UNC80: variants seen among roughly 807,000 people sequenced by gnomAD.
UNC80 encodes the protein protein unc-80 homolog.
In UNC80, 164 loss-of-function variants were observed where a neutral mutation model predicts 384.6. The ratio of observed to expected loss-of-function variants is 0.43; its 90% CI spans 0.38 to 0.49. UNC80 has a LOEUF of 0.49. UNC80 is among the 20% of genes least tolerant of loss of function. UNC80 has a pLI of 0.00. For missense variants in UNC80, 3,330 were observed against 4,143.0 expected (o/e 0.80, Z 5.39); for synonymous variants, 1,486 against 1,527.8 (o/e 0.97, Z 0.64).
chr2:209,868,595 A>G (rs528945097), intron 22 of UNC80, among the ~76,000 whole-genome samples: 1 of 152,316 alleles, frequency 6.6e-6, no homozygotes, highest in Non-Finnish European at 1.5e-5. Flanking sequence ...ATACATAATG[A>G]TCTTATAAAA....
At chr2:209,906,741 G>A (rs979852758) in intron 29 of UNC80, among the ~76,000 whole-genome samples, 4 of 151,938 alleles carry the variant, frequency 2.6e-5, no homozygotes, top group African/African-American at 9.7e-5. Context: ...AAGTAAATAC[G>A]TTTGTGTGTG....
At chr2:209,840,052 G>A (rs1559177173) in intron 19 of UNC80, among the ~76,000 whole-genome samples, 1 of 152,186 alleles carries the variant, frequency 6.6e-6, no homozygotes, top group African/African-American at 2.4e-5. Context: ...TCCCTAGATA[G>A]CCAAGATGGG....
At chr2:209,831,864 T>C (rs536084905) in intron 16 of UNC80, among the ~76,000 whole-genome samples, 1 of 152,340 alleles carries the variant, frequency 6.6e-6, no homozygotes, top group African/African-American at 2.4e-5. Flanking sequence ...TTGTAAAGTA[T>C]GCTGAGCCCT....
intron 51 of UNC80, among the ~76,000 whole-genome samples, chr2:209,962,701 G>A (rs1575156160): frequency 6.6e-6 from 1 of 152,104 alleles, no homozygotes; most frequent in African/African-American, 2.4e-5. Flanking sequence ...ACAAGCTTTT[G>A]AAAAAGACAG....
chr2:209,986,711 G>A (rs1221851833), intron 61 of UNC80, among the ~76,000 whole-genome samples: 6 of 152,120 alleles, frequency 3.9e-5, no homozygotes, highest in Non-Finnish European at 7.4e-5. Flanking sequence ...GGAAGATGAG[G>A]CATTCACTTT....
chr2:209,971,599 AC>A (rs74454064), intron 54 of UNC80, among the ~76,000 whole-genome samples: 22,129 of 152,182 alleles, frequency 0.15, 2,022 homozygotes, highest in South Asian at 0.2. Flanking sequence ...TGGATAACTG[AC>A]CCATCCGTCG....
chr2:209,778,389 G>C (rs1559075226), intron 4 of UNC80, among the ~76,000 whole-genome samples: 1 of 151,444 alleles, frequency 6.6e-6, no homozygotes, highest in Non-Finnish European at 1.5e-5. Flanking sequence ...GACAAAGCGA[G>C]ACTCTGTCTT....
chr2:209,886,501 C>G (rs2124904867), intron 25 of UNC80, among the ~76,000 whole-genome samples: 1 of 152,272 alleles, frequency 6.6e-6, no homozygotes, highest in Non-Finnish European at 1.5e-5. Flanking sequence ...CAGGACAAGT[C>G]AAATTCTCAA....
chr2:209,913,662 TA>T, intron 30 of UNC80, 139 bp from the exon 31 acceptor site: 1 of 802,832 alleles, frequency 1.2e-6, no homozygotes, highest in Non-Finnish European at 1.9e-6. Context: ...CCATGTCAAC[TA>T]AATATGCTCC....
intron 28 of UNC80, among the ~76,000 whole-genome samples, chr2:209,896,753 ATTTTGAGAGCACGGT>A (rs1209557543): frequency 1.3e-5 from 2 of 152,076 alleles, no homozygotes; most frequent in African/African-American, 4.8e-5. Flanking sequence ...GTTACTGCGA[ATTTTGAGAGCACGGT>A]CATGGTGTTG....
rs567849896 is a variant in UNC80 at position 209,981,296 on chromosome 2, C to T, written c.9119-883C>T. ...TTTGAATACATTAATTTCTGCTTCT[C>T]GCTGGGCACGGTGGCTCATGCCTGT... On this transcript the variant is annotated intron_variant, in intron 59 of 64. Transcript: ENST00000673920. 3.3e-5 allele frequency among the ~76,000 whole-genome samples: 5 copies of T among 152,210 alleles called. No homozygotes were observed. The East Asian group carries it at 7.7e-4, about 24-fold the overall frequency.
chr2:209,822,144 C>T lies in UNC80; in HGVS notation c.2331+1465C>T, dbSNP rs115392813. 4.0e-3 allele frequency among the ~76,000 whole-genome samples: 612 copies of T among 152,162 alleles called. 5 individuals carry two copies. Among genetic ancestry groups the T allele is most frequent in the Non-Finnish European group, 6.9e-3 (472 of 68,008 alleles). On this transcript the variant is annotated intron_variant, in intron 13 of 64. Transcript: ENST00000673920. ...GACTCTGATCCAAATATCCTTGCTC[C>T]GATAATCTTGGTTGCTGAGCCTTTT...
In UNC80 at chr2:209,799,398, G is replaced by C. The variant is rs1435060790; in HGVS notation, c.938+5539G>C. Reference sequence around the variant, plus strand: ...TTACCTATTGTTGGTGTAAAGGAATGCTTGTGATTTTTGCACATTGATTTT... The same window carrying C: ...TTACCTATTGTTGGTGTAAAGGAATCCTTGTGATTTTTGCACATTGATTTT... On this transcript the variant is annotated intron_variant, in intron 7 of 64. Transcript: ENST00000673920. 2.0e-5 allele frequency among the ~76,000 whole-genome samples: 3 copies of C among 152,308 alleles called. No individual in the cohort carries two copies. The East Asian group carries it at 5.8e-4, about 29-fold the overall frequency.
chr2:209,881,454 A>G (rs999143181), intron 25 of UNC80, among the ~76,000 whole-genome samples: 16 of 152,092 alleles, frequency 1.1e-4, no homozygotes, highest in African/African-American at 3.9e-4. Flanking sequence ...TTTTATACCA[A>G]CTGCTCATAA....
chr2:209,810,275 T>C (rs2079241755), intron 7 of UNC80, among the ~76,000 whole-genome samples: 1 of 152,204 alleles, frequency 6.6e-6, no homozygotes, highest in Non-Finnish European at 1.5e-5. Context: ...CAGAACTATT[T>C]TGGGAACCCA....
chr2:209,831,384 C>G (rs1273157728), intron 15 of UNC80, 59 bp from the exon 16 acceptor site: 2 of 1,501,570 alleles, frequency 1.3e-6, no homozygotes, highest in African/African-American at 1.4e-5. Flanking sequence ...CTGCCTTACT[C>G]CTACCCATTG....
At chr2:209,859,982 C>G (rs1204652094) in intron 22 of UNC80, among the ~76,000 whole-genome samples, 4 of 152,140 alleles carry the variant, frequency 2.6e-5, no homozygotes, top group East Asian at 3.8e-4. Context: ...GTGGCTTGTT[C>G]ACTCTGATGA....
chr2:209,789,402 G>A (rs1378933926), intron 5 of UNC80, 130 bp from the exon 6 acceptor site: 2 of 645,008 alleles, frequency 3.1e-6, no homozygotes, highest in Non-Finnish European at 5.3e-6. Context: ...CTTACAATAT[G>A]CGTTAATGTC....
intron 2 of UNC80, 89 bp downstream of exon 2, chr2:209,773,231 T>C: frequency 8.9e-7 from 1 of 1,119,410 alleles, no homozygotes; most frequent in Non-Finnish European, 1.3e-6. Flanking sequence ...ACGGACTATA[T>C]ATATTAATTC....
Sources: gnomAD v4.1 joint callset for allele counts (sites outside exome capture counted in the v4.1 genomes callset) on GRCh38, gnomAD v4.1.1 for gene constraint, MANE v1.5 for transcripts, NCBI Gene and HGNC (gene_info 2026-07-23, HGNC 2026-07-21) for gene names.